Variants in SCRIB observed in about 807,000 individuals in gnomAD.
SCRIB encodes protein scribble homolog.
In SCRIB, 72 loss-of-function variants were observed where a neutral mutation model predicts 170.0. The ratio of observed to expected loss-of-function variants is 0.42; its 90% CI spans 0.35 to 0.52. SCRIB has a LOEUF of 0.52. Ranked by LOEUF, SCRIB falls within the 20% of genes least tolerant of loss-of-function variation. SCRIB has a pLI of 0.02. For missense variants in SCRIB, 2,475 were observed against 2,338.5 expected (o/e 1.06, Z -1.20); for synonymous variants, 1,298 against 1,044.3 (o/e 1.24, Z -4.68).
In SCRIB at chr8:143,792,602, A is replaced by G. The variant is rs1467829946; in HGVS notation, c.4211T>C (p.Leu1404Pro). ...GGCCCCAGCCTCTGCCGCCTCCCGCAGCATCTGCGCTCTCTTCTGCTGTAG... is the reference window on the plus strand; with the variant it reads ...GGCCCCAGCCTCTGCCGCCTCCCGCGGCATCTGCGCTCTCTTCTGCTGTAG... ...RKLQQKRAQMLREAAEAGAEA... is the reference protein window; with the variant it reads ...RKLQQKRAQMPREAAEAGAEA... The change falls in exon 31 of 37, where the codon CTG (leucine) becomes CCG (proline). Residue 1404 changes from leucine to proline, a missense_variant. Physicochemically the swap from Leu to Pro is moderately conservative, Grantham distance 98. Coordinates refer to ENST00000356994, the MANE Select transcript of SCRIB (RefSeq NM_182706.5). 2.5e-6 allele frequency: 4 copies of G among 1,591,770 alleles called. No individual in the cohort carries two copies. Among genetic ancestry groups the G allele is most frequent in the Non-Finnish European group, 3.4e-6 (4 of 1,176,394 alleles).
At position 143,803,642 on chromosome 8, in the gene SCRIB, C is replaced by G; in HGVS notation, c.3414+5G>C. 6.5e-7 allele frequency: 1 copy of G among 1,543,050 alleles called. No individual in the cohort carries two copies. Among genetic ancestry groups the G allele is most frequent in the Non-Finnish European group, 8.7e-7 (1 of 1,148,478 alleles). On this transcript the variant is annotated splice_donor_5th_base_variant and intron_variant, in intron 23 of 36. Transcript: ENST00000356994. The stretch of plus-strand genomic sequence containing the variant: ...CCAGGGCGGGCTGGGGTGGGGGGGG[C>G]TCACCTTGGAGATGAAGATGCCCTC...
Position 143,808,939 on chromosome 8 carries a change from C to T in SCRIB, c.1785G>A (p.Leu595=), listed in dbSNP as rs1354794806. The change falls in exon 15 of 37, where the codon CTG becomes CTA. Residue 595 remains leucine (L), a synonymous_variant. Transcript: ENST00000356994. ...GGATGAGCCGCTGCCTCCCGCCTGG[C>T]AGGGTCCAGGGGGCCTCAGGCTGCC... ...EEGQPEAPWT[L]PGGRQRLIRK... 1.9e-6 allele frequency: 3 copies of T among 1,612,420 alleles called. No homozygotes were observed. The highest frequency in any genetic ancestry group is 2.7e-5 in the African/African-American group (2 of 74,936).
In SCRIB at chr8:143,813,020, C is replaced by CTG. The variant is rs1815820584; in HGVS notation, c.642+9_642+10insCA. 1 of 1,605,192 alleles carries CTG rather than the reference C, an allele frequency of 6.2e-7. No homozygotes were observed. The highest frequency in any genetic ancestry group is 1.3e-5 in the African/African-American group (1 of 74,916). ...GCACGAAGCAGGGGGCCAGCCCCAC[C>CTG]CTGACTCACCGGGGGCAGTGCTGAC... On this transcript the variant is annotated intron_variant, in intron 7 of 36. Coordinates refer to ENST00000356994, the MANE Select transcript of SCRIB (RefSeq NM_182706.5).
At chr8:143,803,962 G>C (rs1554635702) in intron 22 of SCRIB, 22 bp from the exon 23 acceptor site, 4 of 1,573,072 alleles carry the variant, frequency 2.5e-6, no homozygotes, top group Middle Eastern at 3.4e-4. Flanking sequence ...GAGGGTGGCA[G>C]CTGGTGGCTG....
intron 14 of SCRIB, 50 bp downstream of exon 14, chr8:143,809,501 G>A (rs767532273): frequency 1.9e-6 from 3 of 1,573,822 alleles, no homozygotes; most frequent in Non-Finnish European, 1.7e-6. Context: ...AGGGGAGGCA[G>A]CCCCCACCCA....
intron 1 of SCRIB, among the ~76,000 whole-genome samples, chr8:143,814,662 A>G (rs1479267960): frequency 6.6e-6 from 1 of 152,108 alleles, no homozygotes; most frequent in Non-Finnish European, 1.5e-5. Flanking sequence ...GGTACTGATC[A>G]CCCAGCACCC....
intron 34 of SCRIB, 29 bp from the exon 35 acceptor site, chr8:143,791,769 A>G: frequency 7.1e-7 from 1 of 1,407,454 alleles, no homozygotes; most frequent in Non-Finnish European, 9.8e-7. Context: ...GGGGAGAGGC[A>G]GAGAGTGAGA....
rs782184855 is a variant in SCRIB at position 143,795,453 on chromosome 8, G to A, written c.3681C>T (p.Ile1227=). The A allele has an allele frequency of 3.5e-5, 57 of 1,613,122 alleles. No homozygotes were observed. The highest frequency in any genetic ancestry group is 5.0e-5 in the Admixed American group (3 of 59,972). ...HRNSLESISS[I]DRELSPEGPG... ...GGCCCTCAGGGCTCAGCTCCCGGTC[G>A]ATGGAAGAGATGCTCTCCAGGCTGT... The change falls in exon 25 of 37, where the codon ATC becomes ATT. Residue 1227 remains isoleucine (I), a synonymous_variant. Transcript: ENST00000356994.
intron 15 of SCRIB, among the ~76,000 whole-genome samples, 185 bp from the exon 16 acceptor site, chr8:143,807,799 G>C (rs1288387651): frequency 6.6e-6 from 1 of 152,126 alleles, no homozygotes; most frequent in African/African-American, 2.4e-5. Context: ...GGACAAGCGG[G>C]GCTCCAGAGC....
chr8:143,812,412 G>A (rs780081367), intron 8 of SCRIB, 28 bp from the exon 9 acceptor site: 25 of 1,523,656 alleles, frequency 1.6e-5, no homozygotes, highest in Non-Finnish European at 2.1e-5. Context: ...GGGGGACAAG[G>A]CTGAGCATGG....
At chr8:143,801,954 C>T (rs782203308) in intron 24 of SCRIB, among the ~76,000 whole-genome samples, 9 of 152,306 alleles carry the variant, frequency 5.9e-5, no homozygotes, top group Non-Finnish European at 8.8e-5. Flanking sequence ...GACAGCAGCG[C>T]GGCACGCCGG....
In SCRIB at chr8:143,806,395, T is replaced by C. The variant is rs577787569; in HGVS notation, c.2346+12A>G. On this transcript the variant is annotated intron_variant, in intron 18 of 36. Coordinates refer to ENST00000356994, the MANE Select transcript of SCRIB (RefSeq NM_182706.5). ...ACAGCTGCCACTCGGGGCGGAGAGG[T>C]TGCCGACTCACCTCCAGGAGCTTGT... 4.4e-6 allele frequency: 7 copies of C among 1,595,146 alleles called. No homozygotes were observed. Among genetic ancestry groups the C allele is most frequent in the Non-Finnish European group, 5.1e-6 (6 of 1,170,020 alleles).
At position 143,803,856 on chromosome 8, in the gene SCRIB, C is replaced by A; in HGVS notation, c.3205G>T (p.Ala1069Ser). 6.2e-7 allele frequency: 1 copy of A among 1,601,942 alleles called. No individual in the cohort carries two copies. Among genetic ancestry groups the A allele is most frequent in the Non-Finnish European group, 8.5e-7 (1 of 1,176,400 alleles). Residue 1069 changes from alanine (A) to serine (S), a missense_variant, in exon 23 of 37, where the codon GCC becomes TCC. Ala to Ser is a moderately conservative substitution (Grantham distance 99). This residue lies in a region of SCRIB where 1,966 missense variants were observed against 1,742.9 expected (regional missense o/e 1.13). Coordinates refer to ENST00000356994, the MANE Select transcript of SCRIB (RefSeq NM_182706.5). ...LAVNGQDVRDATHQEAVSALL... is the reference protein window; with the variant it reads ...LAVNGQDVRDSTHQEAVSALL... The stretch of plus-strand genomic sequence containing the variant: ...GCACTGACTGCTTCTTGGTGCGTGG[C>A]ATCCCGCACGTCTTGCCCGTTCACT...
chr8:143,815,431 G>A lies in SCRIB; in HGVS notation c.-59C>T, dbSNP rs1296914846. 16 of 1,210,908 alleles carry A rather than the reference G, an allele frequency of 1.3e-5. No individual in the cohort carries two copies. The highest frequency in any genetic ancestry group is 3.5e-5 in the East Asian group (1 of 28,672). The allele number at this position is 1,210,908 out of a possible 1,614,324, so 75.0% of individuals were successfully genotyped here. On this transcript the variant is annotated 5_prime_UTR_variant, in exon 1 of 37. Transcript: ENST00000356994. ...CGCTCGGCGGGCTCGGGGCCGGGGG[G>A]CGGGGCTCAGTCCGCATGGGCGCCG...
chr8:143,812,944 C>T lies in SCRIB; in HGVS notation c.660G>A (p.Arg220=), dbSNP rs544724402. Residue 220 remains arginine, a synonymous_variant, in exon 8 of 37, where the codon CGG becomes CGA. Transcript: ENST00000356994. ...SALPPELGNL[R]RLVCLDVSEN... Reference sequence around the variant, plus strand: ...CCGACACGTCCAGGCACACCAGGCGCCGCAGGTTCCCGAGCTCCTGCAGGT... The same window carrying T: ...CCGACACGTCCAGGCACACCAGGCGTCGCAGGTTCCCGAGCTCCTGCAGGT... 1.8e-5 allele frequency: 29 copies of T among 1,612,804 alleles called. No individual in the cohort carries two copies. The South Asian group carries it at 2.2e-4, about 12-fold the overall frequency.
At chr8:143,814,376 C>G (rs766928951) in intron 1 of SCRIB, among the ~76,000 whole-genome samples, 13 of 152,020 alleles carry the variant, frequency 8.6e-5, no homozygotes, top group Non-Finnish European at 1.8e-4. Flanking sequence ...GGCGACCAGA[C>G]AAAGCCCCAA....
At chr8:143,807,308 A>G (rs1815472669) in intron 16 of SCRIB, among the ~76,000 whole-genome samples, 1 of 152,198 alleles carries the variant, frequency 6.6e-6, no homozygotes, top group East Asian at 1.9e-4. Flanking sequence ...CTGCCTCCGC[A>G]GGCAGGTAAG....
chr8:143,811,254 C>T lies in SCRIB; in HGVS notation c.998G>A (p.Gly333Asp). ...GGAGAGGACGCTGAGTGCCACACAG[C>T]CCCCGATCTCGGGCGGCAGCGCCTC... ...HLEALPPEIG[G>D]CVALSVLSLR... is the part of the protein sequence containing the mutation. The change falls in exon 10 of 37, where the codon GGC becomes GAC. Residue 333 changes from glycine to aspartate, a missense_variant. This residue lies in a region of SCRIB where 487 missense variants were observed against 558.1 expected (regional missense o/e 0.87). Coordinates refer to ENST00000356994, the MANE Select transcript of SCRIB (RefSeq NM_182706.5). 1 of 1,611,614 alleles carries T rather than the reference C, an allele frequency of 6.2e-7. No homozygotes were observed.
In SCRIB at chr8:143,812,279, T is replaced by G. The variant is rs1815769364; in HGVS notation, c.893A>C (p.Glu298Ala). 6.2e-7 allele frequency: 1 copy of G among 1,608,868 alleles called. No homozygotes were observed. Among genetic ancestry groups the G allele is most frequent in the African/African-American group, 1.3e-5 (1 of 74,798 alleles). ...CENLSELILT[E>A]NLLMALPRSL... is the part of the protein sequence containing the mutation. ...GCCAGACCCTACCATCAGCAGGTTC[T>G]CCGTGAGGATCAGCTCAGAGAGGTT... The change falls in exon 9 of 37, where the codon GAG becomes GCG. Residue 298 changes from glutamate (E) to alanine (A), a missense_variant. Glu to Ala is a moderately radical substitution (Grantham distance 107). This residue lies in a region of SCRIB where 487 missense variants were observed against 558.1 expected (regional missense o/e 0.87). Transcript: ENST00000356994.
Sources: gnomAD v4.1 joint callset for allele counts (sites outside exome capture counted in the v4.1 genomes callset) on GRCh38, gnomAD v4.1.1 for gene constraint, gnomAD v4.1.1 regional missense constraint, MANE v1.5 for transcripts, NCBI Gene and HGNC (gene_info 2026-07-23, HGNC 2026-07-21) for gene names.